Variants in ZNF638 observed in about 807,000 individuals in gnomAD.
ZNF638 encodes the protein CTCL tumor antigen se33-1.
Under a neutral mutation model 195.6 loss-of-function variants are expected in ZNF638, and 46 were observed. That is an observed-to-expected ratio of 0.24 (90% CI 0.19 to 0.30). The LOEUF (loss-of-function observed/expected upper bound fraction) is 0.30, where lower values mean the gene tolerates loss of function less well. ZNF638 is among the 10% of genes least tolerant of loss of function. The pLI, the probability that ZNF638 is intolerant of heterozygous loss-of-function variation, is 1.00. For missense variants in ZNF638, 2,440 were observed against 2,325.3 expected, an observed-to-expected ratio of 1.05 and a Z score of -1.01; for synonymous variants, 845 against 772.0, an observed-to-expected ratio of 1.09 and a Z score of -1.57.
Position 71,369,997 on chromosome 2 carries a change from A to G in ZNF638, c.2257A>G (p.Lys753Glu). ...SVKICVPGKK[K>E]AQNKEVKKKT... is the part of the protein sequence containing the mutation. ...GAAAATATGTGTTCCAGGAAAGAAA[A>G]AAGCACAGGTAATCTGGATTTAGGT... Residue 753 changes from lysine (K) to glutamate (E), a missense_variant, in exon 8 of 28, where the codon AAA (lysine) becomes GAA (glutamate). Physicochemically the swap from Lys to Glu is moderately conservative, Grantham distance 56. This residue lies in a region of ZNF638 where 1,883 missense variants were observed against 1,739.1 expected (regional missense o/e 1.08). Coordinates refer to ENST00000264447, the MANE Select transcript of ZNF638 (RefSeq NM_014497.5). 6.3e-7 allele frequency: 1 copy of G among 1,591,958 alleles called. No individual in the cohort carries two copies.
chr2:71,383,863 A>C (rs563494625), intron 10 of ZNF638, among the ~76,000 whole-genome samples: 13 of 144,284 alleles, frequency 9.0e-5, no homozygotes, highest in African/African-American at 3.5e-4. Flanking sequence ...CGGCCTCCCA[A>C]AGTGCTGGGA....
At chr2:71,345,210 A>G (rs1256401794) in intron 1 of ZNF638, among the ~76,000 whole-genome samples, 2 of 152,226 alleles carry the variant, frequency 1.3e-5, no homozygotes, top group Non-Finnish European at 2.9e-5. Flanking sequence ...AACACAGTAT[A>G]TATAGGATTT....
intron 26 of ZNF638, among the ~76,000 whole-genome samples, chr2:71,432,131 A>G (rs376066149): frequency 3.3e-5 from 5 of 152,276 alleles, no homozygotes; most frequent in South Asian, 2.1e-4. Flanking sequence ...ATACTCCTCA[A>G]TCAGACAGTT....
At chr2:71,382,904 T>C (rs1296378136) in intron 10 of ZNF638, among the ~76,000 whole-genome samples, 2 of 152,194 alleles carry the variant, frequency 1.3e-5, no homozygotes. Flanking sequence ...ACATAATCTG[T>C]ACCAGAAGAG....
Position 71,367,431 on chromosome 2 carries a change from ATTTTTTTT to A in ZNF638, c.1996-938_1996-931del, listed in dbSNP as rs3077439. 4.1e-4 allele frequency among the ~76,000 whole-genome samples: 46 copies of A among 112,718 alleles called. 1 individual carries two copies. The highest frequency in any genetic ancestry group is 1.4e-3 in the Admixed American group (14 of 9,676). The allele number at this position is 112,718 out of a possible 152,430, so 73.9% of individuals were successfully genotyped here. ...CCAACACACCCAGCTGGGTGTTTTA[ATTTTTTTT>A]TTTTTTTTTTTTGAATCAGAGTCTC... On this transcript the variant is annotated intron_variant, in intron 6 of 27. Transcript: ENST00000264447.
chr2:71,418,698 G>C, intron 21 of ZNF638, 59 bp downstream of exon 21: 1 of 1,233,074 alleles, frequency 8.1e-7, no homozygotes, highest in Non-Finnish European at 1.1e-6. Flanking sequence ...GAATTTTATT[G>C]CTGTATTTTA....
chr2:71,418,753 A>G, intron 21 of ZNF638, 114 bp downstream of exon 21: 1 of 724,882 alleles, frequency 1.4e-6, no homozygotes, highest in Non-Finnish European at 2.1e-6. Flanking sequence ...CTGCATATTT[A>G]TTTTGTGTAC....
rs772982968 is a variant in ZNF638, at chr2:71,432,121, A to G, written c.5752+693A>G. 7.2e-5 allele frequency among the ~76,000 whole-genome samples: 11 copies of G among 152,328 alleles called. No individual in the cohort carries two copies. In the South Asian group the frequency reaches 1.0e-3, roughly 14 times the overall value. Reference sequence around the variant, plus strand: ...CTGAGGGAGACCTTATTCAGCCATCATACTCCTCAATCAGACAGTTGCCCA... The same window carrying G: ...CTGAGGGAGACCTTATTCAGCCATCGTACTCCTCAATCAGACAGTTGCCCA... On this transcript the variant is annotated intron_variant, in intron 26 of 27. Coordinates refer to ENST00000264447, the MANE Select transcript of ZNF638 (RefSeq NM_014497.5).
At chr2:71,343,531 T>G (rs183098752) in intron 1 of ZNF638, among the ~76,000 whole-genome samples, 41 of 152,142 alleles carry the variant, frequency 2.7e-4, no homozygotes, top group Admixed American at 6.5e-4. Flanking sequence ...TTAGCAAAAT[T>G]GAGATGTATG....
At chr2:71,360,925 T>G (rs949836806) in intron 3 of ZNF638, among the ~76,000 whole-genome samples, 2 of 152,326 alleles carry the variant, frequency 1.3e-5, no homozygotes, top group African/African-American at 4.8e-5. Flanking sequence ...GCTTTATCTT[T>G]CTGCTCTGGG....
rs538898130 is a variant in ZNF638 at position 71,395,379 on chromosome 2, T to C, written c.2378-762T>C. ...AGATGTAGGAGATCAGTCAGGGTGG[T>C]GGGAAAAGTTATAAGGAGAGACGCA... On this transcript the variant is annotated intron_variant, in intron 10 of 27. Transcript: ENST00000264447. 212 of 698,360 alleles carry C rather than the reference T, an allele frequency of 3.0e-4. 1 individual carries two copies. The highest frequency in any genetic ancestry group is 9.8e-4 in the Admixed American group (46 of 46,904). The allele number at this position is 698,360 out of a possible 1,614,324, so 43.3% of individuals were successfully genotyped here.
rs2078906680 is a variant in ZNF638 at position 71,349,537 on chromosome 2, A to C, written c.583A>C (p.Asn195His). Residue 195 changes from asparagine (N) to histidine (H), a missense_variant, in exon 2 of 28, where the codon AAT becomes CAT. Asn to His is a moderately conservative substitution (Grantham distance 68). Around this residue, in one of 5 missense-constraint regions of ZNF638, gnomAD observed 305 missense variants for 283.6 expected, o/e 1.08. Coordinates refer to ENST00000264447, the MANE Select transcript of ZNF638 (RefSeq NM_014497.5). ...RLPNLPSQSR[N>H]KETLGSEAVS... is the part of the protein sequence containing the mutation. ...ACCTAATTTACCTTCTCAGAGCAGAAATAAAGAAACACTTGGTAGTGAAGC... is the reference window on the plus strand; with the variant it reads ...ACCTAATTTACCTTCTCAGAGCAGACATAAAGAAACACTTGGTAGTGAAGC... 7 of 1,614,106 alleles carry C rather than the reference A, an allele frequency of 4.3e-6. No individual in the cohort carries two copies. In the East Asian group the frequency reaches 1.6e-4, roughly 36 times the overall value.
At chr2:71,390,264 T>C (rs2104392588) in intron 10 of ZNF638, among the ~76,000 whole-genome samples, 1 of 152,250 alleles carries the variant, frequency 6.6e-6, no homozygotes, top group East Asian at 1.9e-4. Context: ...CCTCGGTCAA[T>C]TGGAAAGCCC....
intron 16 of ZNF638, among the ~76,000 whole-genome samples, chr2:71,402,965 A>G (rs1395848186): frequency 6.6e-6 from 1 of 152,152 alleles, no homozygotes; most frequent in Non-Finnish European, 1.5e-5. Context: ...ACATTATGTT[A>G]AAAGTAGATT....
chr2:71,431,458 C>T (rs374676426), intron 26 of ZNF638, 30 bp downstream of exon 26: 145 of 1,602,970 alleles, frequency 9.0e-5, no homozygotes, highest in Non-Finnish European at 1.2e-4. Context: ...TTTTTCTTAC[C>T]CATATGAAAT....
chr2:71,396,217 G>A (rs373526723), intron 11 of ZNF638, 26 bp downstream of exon 11: 2 of 1,591,056 alleles, frequency 1.3e-6, no homozygotes, highest in Non-Finnish European at 1.7e-6. Context: ...TAGGATTCTA[G>A]ACTATTAGTT....
chr2:71,365,681 A>G lies in ZNF638; in HGVS notation c.1970A>G (p.Asp657Gly). Residue 657 changes from aspartate (D) to glycine (G), a missense_variant, in exon 6 of 28, where the codon GAT (aspartate) becomes GGT (glycine). Asp to Gly is a moderately conservative substitution (Grantham distance 94). Around this residue, in one of 5 missense-constraint regions of ZNF638, gnomAD observed 1,883 missense variants for 1,739.1 expected, o/e 1.08. Coordinates refer to ENST00000264447, the MANE Select transcript of ZNF638 (RefSeq NM_014497.5). ...TTGTCAGAATGTAAACAGGTGTCTGATAAAGCTGTTTCTCTCCAGCGAAAG... is the reference window on the plus strand; with the variant it reads ...TTGTCAGAATGTAAACAGGTGTCTGGTAAAGCTGTTTCTCTCCAGCGAAAG... ...DTLSECKQVS[D>G]KAVSLQRKLR... 6.2e-7 allele frequency: 1 copy of G among 1,612,438 alleles called. No homozygotes were observed. The highest frequency in any genetic ancestry group is 1.7e-5 in the Admixed American group (1 of 59,812).
At chr2:71,388,302 C>G in intron 10 of ZNF638, 1 of 422,460 alleles carries the variant, frequency 2.4e-6, no homozygotes, top group South Asian at 2.0e-5. Flanking sequence ...CTTTTGCCGA[C>G]CTTTGATCAT....
At chr2:71,362,577 C>T (rs760479771) in intron 3 of ZNF638, among the ~76,000 whole-genome samples, 1 of 152,166 alleles carries the variant, frequency 6.6e-6, no homozygotes, top group African/African-American at 2.4e-5. Context: ...GTAGCCAGAC[C>T]ACTTCCTGGA....
Sources: allele counts gnomAD v4.1 joint callset (sites outside exome capture counted in the v4.1 genomes callset), GRCh38; gene constraint gnomAD v4.1.1; regional missense constraint gnomAD v4.1.1; transcripts MANE v1.5; gene names NCBI Gene and HGNC (gene_info 2026-07-23, HGNC 2026-07-21).